The following ENPP1 variants were observed in gnomAD, a reference collection of about 807,000 sequenced individuals.
ENPP1 encodes the protein ectonucleotide pyrophosphatase/phosphodiesterase 1.
Under a neutral mutation model 122.8 loss-of-function variants are expected in ENPP1, and 73 were observed. That is an observed-to-expected ratio of 0.59 (90% CI 0.49 to 0.72). The LOEUF (loss-of-function observed/expected upper bound fraction) is 0.72. ENPP1 is among the 30% of genes least tolerant of loss of function. The probability of loss-of-function intolerance (pLI) is 0.00; values close to 1 mark genes in which losing one functional copy is unlikely to be tolerated. For missense variants in ENPP1, 978 were observed against 1,128.1 expected, an observed-to-expected ratio of 0.87 and a Z score of 1.91; for synonymous variants, 367 against 391.6, an observed-to-expected ratio of 0.94 and a Z score of 0.74.
chr6:131,888,982 C>T (rs1020200682), intron 24 of ENPP1, among the ~76,000 whole-genome samples: 2 of 152,144 alleles, frequency 1.3e-5, no homozygotes, highest in African/African-American at 4.8e-5. Context: ...GAACTTTTCC[C>T]TCTTTCTGCT....
intron 1 of ENPP1, among the ~76,000 whole-genome samples, chr6:131,821,909 G>C (rs1781489380): frequency 6.6e-6 from 1 of 152,176 alleles, no homozygotes; most frequent in Admixed American, 6.5e-5. Flanking sequence ...TTGGCCCAGA[G>C]TTTATTCCAT....
Position 131,858,696 on chromosome 6 carries a change from G to A in ENPP1, c.744G>A (p.Met248Ile), listed in dbSNP as rs1781980238. 1.2e-6 allele frequency: 2 copies of A among 1,610,998 alleles called. No homozygotes were observed. Among genetic ancestry groups the A allele is most frequent in the East Asian group, 4.5e-5 (2 of 44,784 alleles). The change falls in exon 7 of 25, where the codon ATG becomes ATA. Residue 248 changes from methionine (M) to isoleucine (I), a missense_variant. Around this residue, in one of 3 missense-constraint regions of ENPP1, gnomAD observed 330 missense variants for 328.5 expected, o/e 1.00. Coordinates refer to ENST00000647893, the MANE Select transcript of ENPP1 (RefSeq NM_006208.3). The part of the protein sequence containing the change: ...LKKCGTYTKN[M>I]RPVYPTKTFP... ...AATGTGGAACATATACTAAAAACATGAGACCGGTATATCCAACAAAAACTT... is the reference window on the plus strand; with the variant it reads ...AATGTGGAACATATACTAAAAACATAAGACCGGTATATCCAACAAAAACTT...
intron 18 of ENPP1, chr6:131,877,400 G>GCAC (rs1782244318): frequency 1.9e-6 from 1 of 535,824 alleles, no homozygotes; most frequent in African/African-American, 1.9e-5. Flanking sequence ...TTGGGTGCAG[G>GCAC]TGTGGTGAAG....
At chr6:131,864,654 T>A in intron 10 of ENPP1, 83 bp downstream of exon 10, 1 of 964,442 alleles carries the variant, frequency 1.0e-6, no homozygotes, top group Non-Finnish European at 1.6e-6. Context: ...CAACAAAACT[T>A]TGCTATTTGC....
At chr6:131,808,683 C>A (rs1781312403) in intron 1 of ENPP1, among the ~76,000 whole-genome samples, 1 of 152,214 alleles carries the variant, frequency 6.6e-6, no homozygotes, top group South Asian at 2.1e-4. Flanking sequence ...TACATGACTT[C>A]ACTTGGGTTA....
intron 3 of ENPP1, among the ~76,000 whole-genome samples, chr6:131,850,434 G>T (rs1338022646): frequency 1.3e-5 from 2 of 151,928 alleles, no homozygotes; most frequent in South Asian, 2.1e-4. Flanking sequence ...TTCTTTGACG[G>T]CAAGAGATCT....
At chr6:131,812,519 T>C (rs1234112313) in intron 1 of ENPP1, among the ~76,000 whole-genome samples, 1 of 152,220 alleles carries the variant, frequency 6.6e-6, no homozygotes, top group Non-Finnish European at 1.5e-5. Flanking sequence ...TTAATTAATT[T>C]AGAATTTTCA....
rs112718541 is a variant in ENPP1, at chr6:131,894,120, A to AT, written c.*3615dup. Reference sequence around the variant, plus strand: ...AGGCACCTGCCGTCACGCCTGGCTAATTTTTTGTATTTTTAGTAGAGAATG... The same window carrying AT: ...AGGCACCTGCCGTCACGCCTGGCTAATTTTTTTGTATTTTTAGTAGAGAATG... On this transcript the variant is annotated 3_prime_UTR_variant, in exon 25 of 25. Coordinates refer to ENST00000647893, the MANE Select transcript of ENPP1 (RefSeq NM_006208.3). 0.094 allele frequency: 14,105 copies of AT among 150,010 alleles called. 1,663 individuals are homozygous for AT. The highest frequency in any genetic ancestry group is 0.28 in the African/African-American group (11,399 of 40,724). 9.3% of individuals were successfully genotyped at this position (150,010 alleles called of 1,614,324 possible). A position where few individuals can be genotyped will look rare whatever the true frequency, so the allele number is the denominator to read the frequency against.
rs368742582 is a variant in ENPP1, at chr6:131,858,702, G to A, written c.750G>A (p.Pro250=). The change falls in exon 7 of 25, where the codon CCG becomes CCA. Residue 250 remains proline, a synonymous_variant. Coordinates refer to ENST00000647893, the MANE Select transcript of ENPP1 (RefSeq NM_006208.3). ...KCGTYTKNMR[P]VYPTKTFPNH... is the part of the protein sequence containing the mutation. ...GAACATATACTAAAAACATGAGACCGGTATATCCAACAAAAACTTTCCCCA... is the reference window on the plus strand; with the variant it reads ...GAACATATACTAAAAACATGAGACCAGTATATCCAACAAAAACTTTCCCCA... 132 of 1,610,920 alleles carry A rather than the reference G, an allele frequency of 8.2e-5. No individual in the cohort carries two copies. Among genetic ancestry groups the A allele is most frequent in the Non-Finnish European group, 1.0e-4 (123 of 1,177,438 alleles).
At chr6:131,822,552 C>G (rs899045404) in intron 1 of ENPP1, among the ~76,000 whole-genome samples, 1 of 150,736 alleles carries the variant, frequency 6.6e-6, no homozygotes, top group African/African-American at 2.4e-5. Context: ...TTTTCCCCTC[C>G]AGGACTTTTC....
At chr6:131,812,142 GA>G (rs1781363460) in intron 1 of ENPP1, among the ~76,000 whole-genome samples, 1 of 152,158 alleles carries the variant, frequency 6.6e-6, no homozygotes, top group African/African-American at 2.4e-5. Flanking sequence ...TTTTGTTATA[GA>G]ATTTTGTGGT....
intron 13 of ENPP1, among the ~76,000 whole-genome samples, chr6:131,869,917 GA>G (rs1399766085): frequency 1.3e-5 from 2 of 151,002 alleles, no homozygotes; most frequent in African/African-American, 4.9e-5. Context: ...AAACTAAAGG[GA>G]ATCACAGTTA....
chr6:131,855,085 C>A, intron 6 of ENPP1, 62 bp downstream of exon 6: 3 of 1,217,820 alleles, frequency 2.5e-6, no homozygotes, highest in Non-Finnish European at 2.4e-6. Flanking sequence ...ACTAGGCAGG[C>A]AGTCTTTCTT....
At chr6:131,855,696 A>G (rs965028620) in intron 6 of ENPP1, among the ~76,000 whole-genome samples, 1 of 152,122 alleles carries the variant, frequency 6.6e-6, no homozygotes, top group Non-Finnish European at 1.5e-5. Context: ...TATTACGAGT[A>G]CAGACATAGA....
At chr6:131,831,139 A>G (rs1291014049) in intron 1 of ENPP1, among the ~76,000 whole-genome samples, 1 of 142,418 alleles carries the variant, frequency 7.0e-6, no homozygotes, top group Non-Finnish European at 1.6e-5. Flanking sequence ...AAAAAAAAAG[A>G]AAAGAAAATA....
intron 1 of ENPP1, among the ~76,000 whole-genome samples, chr6:131,840,536 T>G (rs1781727269): frequency 6.6e-6 from 1 of 152,218 alleles, no homozygotes; most frequent in Admixed American, 6.5e-5. Context: ...AGTAACCCTA[T>G]GCCCTCGTCA....
intron 1 of ENPP1, chr6:131,826,261 T>G (rs926524985): frequency 9.1e-7 from 1 of 1,101,928 alleles, no homozygotes; most frequent in African/African-American, 1.5e-5. Context: ...ACTGTTGTTG[T>G]TGGTTACAGC....
At chr6:131,820,286 A>ATAGGTG (rs1252529331) in intron 1 of ENPP1, 2 of 169,242 alleles carry the variant, frequency 1.2e-5, no homozygotes, top group Admixed American at 6.4e-5. Flanking sequence ...TATTTAGGAA[A>ATAGGTG]TAGGTGTACA....
intron 1 of ENPP1, among the ~76,000 whole-genome samples, chr6:131,818,249 A>G (rs1190165449): frequency 3.9e-5 from 6 of 152,104 alleles, no homozygotes; most frequent in South Asian, 2.1e-4. Flanking sequence ...CGTCATTGCA[A>G]TGACACCAAT....
Sources: gnomAD v4.1 joint callset for allele counts (sites outside exome capture counted in the v4.1 genomes callset) on GRCh38, gnomAD v4.1.1 for gene constraint, gnomAD v4.1.1 regional missense constraint, MANE v1.5 for transcripts, NCBI Gene and HGNC (gene_info 2026-07-23, HGNC 2026-07-21) for gene names.